GEN1: variants seen among roughly 807,000 people sequenced by gnomAD.
The protein encoded by GEN1 is flap endonuclease GEN homolog 1.
A neutral mutation model predicts 67.6 loss-of-function variants in GEN1; 64 were observed. The observed-to-expected ratio is 0.95, with a 90% CI of 0.77 to 1.17. GEN1 has a LOEUF of 1.17. GEN1 is among the 50% of genes most tolerant of loss of function. The probability of loss-of-function intolerance (pLI) is 0.00; values close to 1 mark genes in which losing one functional copy is unlikely to be tolerated. For synonymous variants in GEN1, 371 were observed against 359.4 expected (o/e 1.03, Z -0.37); for missense variants, 1,058 against 1,048.3 (o/e 1.01, Z -0.13).
rs548195088 is a variant in GEN1, at chr2:17,760,447, A to T, written c.161+343A>T. 1.4e-4 allele frequency among the ~76,000 whole-genome samples: 22 copies of T among 152,210 alleles called. 1 individual carries two copies. The South Asian group carries it at 3.7e-3, about 26-fold the overall frequency. On this transcript the variant is annotated intron_variant, in intron 2 of 13. Coordinates refer to ENST00000381254, the MANE Select transcript of GEN1 (RefSeq NM_001130009.3). ...CTTGCCAGTTCTACCTCCAAAATAT[A>T]CTTTGTGTTCACAAACTTATCTCAG...
At chr2:17,753,449 CGACCCGCCCGAGGAACG>C (rs1001710795), upstream of GEN1, among the ~76,000 whole-genome samples, 45 of 118,430 alleles carry the variant, frequency 3.8e-4, no homozygotes, top group South Asian at 0.01. Context: ...GCCGGCCGCC[CGACCCGCCCGAGGAACG>C]GACATCTCCC....
At chr2:17,766,790 C>T (rs533211387) in intron 5 of GEN1, 101 bp downstream of exon 5, 14 of 585,386 alleles carry the variant, frequency 2.4e-5, no homozygotes, top group Middle Eastern at 2.6e-4. Context: ...GATTAAAAAT[C>T]GAATTTAAAA....
Position 17,785,926 on chromosome 2 carries a change from A to AATC in GEN1, c.*3988_*3990dup, listed in dbSNP as rs1673042711. ...AAATTTAAATTAAAAAAAAATATAC[A>AATC]ATCTCCGTCTTCTAGATTTTATAAT... On this transcript the variant is annotated 3_prime_UTR_variant, in exon 14 of 14. Coordinates refer to ENST00000381254, the MANE Select transcript of GEN1 (RefSeq NM_001130009.3). 1.3e-5 allele frequency: 2 copies of AATC among 152,118 alleles called. No homozygotes were observed. Among genetic ancestry groups the AATC allele is most frequent in the Non-Finnish European group, 2.9e-5 (2 of 68,026 alleles). The allele number at this position is 152,118 out of a possible 1,614,324, so 9.4% of individuals were successfully genotyped here.
intron 3 of GEN1, among the ~76,000 whole-genome samples, chr2:17,764,468 A>G (rs983887941): frequency 6.6e-6 from 1 of 152,240 alleles, no homozygotes; most frequent in East Asian, 1.9e-4. Context: ...TAACATTAAA[A>G]TCTTAATTTT....
At chr2:17,772,817 GGC>G (rs777267371) in intron 8 of GEN1, 33 bp downstream of exon 8, 458 of 1,550,294 alleles carry the variant, frequency 3.0e-4, no homozygotes, top group Admixed American at 1.3e-3. Flanking sequence ...GATTTTTCCT[GGC>G]ATGACCTATA....
chr2:17,766,491 G>C, intron 4 of GEN1, 88 bp from the exon 5 acceptor site: 1 of 744,824 alleles, frequency 1.3e-6, no homozygotes, highest in South Asian at 1.9e-5. Context: ...AACATTTAAA[G>C]ATAACATTGA....
chr2:17,764,532 C>T (rs1251119806), intron 3 of GEN1, among the ~76,000 whole-genome samples: 1 of 151,998 alleles, frequency 6.6e-6, no homozygotes, highest in Non-Finnish European at 1.5e-5. Flanking sequence ...AATCTTAAAC[C>T]ATTATCTTGG....
rs535044227 is a variant in GEN1, at chr2:17,781,308, C to G, written c.2096C>G (p.Ser699Cys). The change falls in exon 14 of 14, where the codon TCC becomes TGC. Residue 699 changes from serine (S) to cysteine (C), a missense_variant. Transcript: ENST00000381254. ...CCAGATGTCAACCTGAAAACTTTGT[C>G]CATACTTAGTGTAAAAGAATCTTGT... ...LQPDVNLKTL[S>C]ILSVKESCIA... is the part of the protein sequence containing the mutation. The G allele has an allele frequency of 5.0e-6, 8 of 1,613,672 alleles. No individual in the cohort carries two copies. In the South Asian group the frequency reaches 7.7e-5, roughly 16 times the overall value.
chr2:17,753,442 G>T (rs888644681), upstream of GEN1, among the ~76,000 whole-genome samples: 1 of 100,366 alleles, frequency 1.0e-5, no homozygotes, highest in East Asian at 2.2e-4. Context: ...AGGTGCCGCC[G>T]GCCGCCCGAC....
At chr2:17,768,648 T>G (rs956150525) in intron 5 of GEN1, 90 bp from the exon 6 acceptor site, 20 of 914,858 alleles carry the variant, frequency 2.2e-5, no homozygotes, top group Admixed American at 4.3e-5. Flanking sequence ...CCTCATTCTT[T>G]CAGCTGCTGA....
Position 17,786,226 on chromosome 2 carries a change from G to C in GEN1, c.*4287G>C, listed in dbSNP as rs1673055532. ...GACTCAGTAAATTGTAGCTGTGTCC[G>C]ATACCATCATTTGGAAAGAGCACTA... On this transcript the variant is annotated 3_prime_UTR_variant, in exon 14 of 14. Coordinates refer to ENST00000381254, the MANE Select transcript of GEN1 (RefSeq NM_001130009.3). 1 of 152,202 alleles carries C rather than the reference G, an allele frequency of 6.6e-6. No individual in the cohort carries two copies. Among genetic ancestry groups the C allele is most frequent in the South Asian group, 2.1e-4 (1 of 4,826 alleles). The allele number at this position is 152,202 out of a possible 1,614,324, so 9.4% of individuals were successfully genotyped here.
intron 4 of GEN1, 27 bp from the exon 5 acceptor site, chr2:17,766,552 A>T: frequency 8.4e-7 from 1 of 1,194,068 alleles, no homozygotes; most frequent in Non-Finnish European, 1.2e-6. Flanking sequence ...CTTTTTGAGG[A>T]TTAAACTAAA....
rs1672965181 is a variant in GEN1 at position 17,784,085 on chromosome 2, T to A, written c.*2146T>A. 6.6e-6 allele frequency: 1 copy of A among 151,582 alleles called. No homozygotes were observed. 9.4% of individuals were successfully genotyped at this position (151,582 alleles called of 1,614,324 possible). A position where few individuals can be genotyped will look rare whatever the true frequency, so the allele number is the denominator to read the frequency against. ...CAGAATGGGAGAAAATATTTGCAAA[T>A]CATAAATGTGATAAGGGACTTGTAT... On this transcript the variant is annotated 3_prime_UTR_variant, in exon 14 of 14. Coordinates refer to ENST00000381254, the MANE Select transcript of GEN1 (RefSeq NM_001130009.3).
chr2:17,776,556 A>G (rs1468392069), intron 11 of GEN1, among the ~76,000 whole-genome samples: 1 of 152,218 alleles, frequency 6.6e-6, no homozygotes, highest in Non-Finnish European at 1.5e-5. Context: ...CAGTAAAAGT[A>G]TGTGAGTATT....
At position 17,769,719 on chromosome 2, in the gene GEN1, A is replaced by G. The variant is rs1672098733; in HGVS notation, c.710+908A>G. On this transcript the variant is annotated intron_variant, in intron 6 of 13. Coordinates refer to ENST00000381254, the MANE Select transcript of GEN1 (RefSeq NM_001130009.3). ...TTGGAGGATTCAGAACAAGATGCAG[A>G]TTATATAGAAGTTAACAAACTATGC... 2.0e-5 allele frequency among the ~76,000 whole-genome samples: 3 copies of G among 152,188 alleles called. No homozygotes were observed. The South Asian group carries it at 6.2e-4, about 32-fold the overall frequency.
chr2:17,779,909 C>G, intron 12 of GEN1, 69 bp from the exon 13 acceptor site: 1 of 1,316,276 alleles, frequency 7.6e-7, no homozygotes. Flanking sequence ...TGTGAGCCAT[C>G]AAGCCTGACC....
Position 17,787,879 on chromosome 2 carries a change from G to C in GEN1, c.*5940G>C, listed in dbSNP as rs1352439384. On this transcript the variant is annotated 3_prime_UTR_variant, in exon 14 of 14. Transcript: ENST00000381254. ...GCGGAGGTTGCAGTGAGCTGAGACC[G>C]TGCCATTGCACTCTAGCCTGGGCAA... 2 of 152,484 alleles carry C rather than the reference G, an allele frequency of 1.3e-5. No individual in the cohort carries two copies. Among genetic ancestry groups the C allele is most frequent in the East Asian group, 1.9e-4 (1 of 5,216 alleles). 9.4% of individuals were successfully genotyped at this position (152,484 alleles called of 1,614,324 possible).
intron 6 of GEN1, among the ~76,000 whole-genome samples, chr2:17,769,081 G>T (rs1468741567): frequency 6.6e-6 from 1 of 151,762 alleles, no homozygotes; most frequent in African/African-American, 2.4e-5. Context: ...GTGCAGTGGC[G>T]CAATCACTGC....
Position 17,787,757 on chromosome 2 carries a change from C to T in GEN1, c.*5818C>T, listed in dbSNP as rs545360501. ...TGGCCAACATGGTGAAATCCCATCT[C>T]TACAAAAAATACAAAAATTAGCCGG... On this transcript the variant is annotated 3_prime_UTR_variant, in exon 14 of 14. Coordinates refer to ENST00000381254, the MANE Select transcript of GEN1 (RefSeq NM_001130009.3). 6.6e-6 allele frequency: 1 copy of T among 152,278 alleles called. No homozygotes were observed. The highest frequency in any genetic ancestry group is 1.9e-4 in the East Asian group (1 of 5,180). The allele number at this position is 152,278 out of a possible 1,614,324, so 9.4% of individuals were successfully genotyped here.
Sources: allele counts gnomAD v4.1 joint callset (sites outside exome capture counted in the v4.1 genomes callset), GRCh38; gene constraint gnomAD v4.1.1; transcripts MANE v1.5; gene names NCBI Gene and HGNC (gene_info 2026-07-23, HGNC 2026-07-21).